AFF3: variants seen among roughly 807,000 people sequenced by gnomAD.
AFF3 encodes ALF transcription elongation factor 3.
Under a neutral mutation model 129.7 loss-of-function variants are expected in AFF3, and 32 were observed. That is an observed-to-expected ratio of 0.25 (90% CI 0.19 to 0.33). AFF3 has a LOEUF of 0.33. Ranked by LOEUF, AFF3 falls within the 10% of genes least tolerant of loss-of-function variation. The probability of loss-of-function intolerance (pLI) is 1.00; values close to 1 mark genes in which losing one functional copy is unlikely to be tolerated. For missense variants in AFF3, 1,373 were observed against 1,592.0 expected, an observed-to-expected ratio of 0.86 and a Z score of 2.34; for synonymous variants, 644 against 635.4, an observed-to-expected ratio of 1.01 and a Z score of -0.20.
intron 4 of AFF3, among the ~76,000 whole-genome samples, chr2:100,042,057 C>A (rs1449035892): frequency 1.3e-5 from 2 of 152,172 alleles, no homozygotes; most frequent in African/African-American, 2.4e-5. Context: ...CCCACACCAT[C>A]CCAACCTCTC....
At chr2:99,702,223 C>G (rs1311656217) in intron 11 of AFF3, among the ~76,000 whole-genome samples, 1 of 152,214 alleles carries the variant, frequency 6.6e-6, no homozygotes, top group Admixed American at 6.5e-5. Flanking sequence ...TACATTTTCA[C>G]CAGCAATATG....
intron 7 of AFF3, among the ~76,000 whole-genome samples, chr2:99,937,595 T>C (rs1384632879): frequency 5.3e-5 from 8 of 152,062 alleles, no homozygotes; most frequent in Admixed American, 4.6e-4. Flanking sequence ...GACGGGGTTT[T>C]ACCATATTGA....
intron 1 of AFF3, among the ~76,000 whole-genome samples, chr2:100,141,998 G>C (rs936333435): frequency 2.6e-5 from 4 of 152,082 alleles, no homozygotes; most frequent in Non-Finnish European, 5.9e-5. Context: ...GCCTTAGGTG[G>C]AACTGCCCAT....
chr2:100,016,336 GTAGTGA>G (rs1427291344), intron 4 of AFF3, among the ~76,000 whole-genome samples: 4 of 148,672 alleles, frequency 2.7e-5, no homozygotes, highest in South Asian at 2.1e-4. Context: ...CATGTTAGTG[GTAGTGA>G]TAGTGATGGT....
rs1045522924 is a variant in AFF3, at chr2:99,582,804, G to A, written c.2787C>T (p.Asp929=). ...AGGAAGAGCATCAACAAACCGTGAG[G>A]TCTCCGCCGTGAGGCTGCAGCTGGC... ...ADSQLQPHGG[D]LTKAAHNNSE... The change falls in exon 17 of 25, where the codon GAC becomes GAT. Residue 929 remains aspartate (D), a synonymous_variant. Transcript: ENST00000672756. 1 of 1,614,080 alleles carries A rather than the reference G, an allele frequency of 6.2e-7. No homozygotes were observed. Among genetic ancestry groups the A allele is most frequent in the African/African-American group, 1.3e-5 (1 of 75,042 alleles).
intron 7 of AFF3, among the ~76,000 whole-genome samples, chr2:99,892,024 G>T (rs527474114): frequency 3.3e-5 from 5 of 152,098 alleles, no homozygotes; most frequent in African/African-American, 9.6e-5. Flanking sequence ...GGGTTTCACC[G>T]TATTAGCCAG....
In AFF3 at chr2:100,104,463, G is replaced by A. The variant is rs1449718416; in HGVS notation, c.-9C>T. 23 of 1,311,366 alleles carry A rather than the reference G, an allele frequency of 1.8e-5. No individual in the cohort carries two copies. Among genetic ancestry groups the A allele is most frequent in the Non-Finnish European group, 2.2e-5 (22 of 1,006,158 alleles). 81.2% of individuals were successfully genotyped at this position (1,311,366 alleles called of 1,614,324 possible). A position where few individuals can be genotyped will look rare whatever the true frequency, so the allele number is the denominator to read the frequency against. The stretch of plus-strand genomic sequence containing the variant: ...AAGTCGAAGCTGTCCATGGTGGGAG[G>A]TGTCAGCGTCGCCGCCGCCGCTACC... On this transcript the variant is annotated 5_prime_UTR_variant, in exon 4 of 25. Transcript: ENST00000672756.
At chr2:99,807,210 A>G (rs1203544097) in intron 8 of AFF3, among the ~76,000 whole-genome samples, 2 of 152,196 alleles carry the variant, frequency 1.3e-5, no homozygotes, top group African/African-American at 4.8e-5. Flanking sequence ...GTCACCTCAT[A>G]AATGAGGAAA....
At chr2:99,719,915 T>C (rs1468468427) in intron 11 of AFF3, among the ~76,000 whole-genome samples, 1 of 152,180 alleles carries the variant, frequency 6.6e-6, no homozygotes, top group Non-Finnish European at 1.5e-5. Flanking sequence ...CGGGCGCCTG[T>C]AGTCCCAGCT....
chr2:99,802,412 G>A (rs1686009962), intron 8 of AFF3, among the ~76,000 whole-genome samples: 1 of 152,192 alleles, frequency 6.6e-6, no homozygotes, highest in Non-Finnish European at 1.5e-5. Flanking sequence ...TGTAATCCCA[G>A]CACTTTGGGA....
intron 1 of AFF3, among the ~76,000 whole-genome samples, chr2:100,138,743 G>A (rs1333078633): frequency 1.3e-5 from 2 of 151,920 alleles, no homozygotes; most frequent in African/African-American, 2.4e-5. Context: ...TCAGGAGTTC[G>A]AGACAAGCCT....
intron 4 of AFF3, among the ~76,000 whole-genome samples, chr2:100,012,724 G>A (rs112799614): frequency 1.2e-4 from 19 of 152,256 alleles, no homozygotes; most frequent in South Asian, 1.0e-3. Flanking sequence ...GAAAGCTTTC[G>A]CCTGACAAGC....
intron 8 of AFF3, among the ~76,000 whole-genome samples, chr2:99,833,590 A>G (rs1326301782): frequency 6.6e-6 from 1 of 152,130 alleles, no homozygotes; most frequent in Admixed American, 6.5e-5. Context: ...GTCTTCAACA[A>G]ATGCCATGTA....
chr2:100,138,876 C>T (rs761988902), intron 1 of AFF3, among the ~76,000 whole-genome samples: 2 of 142,618 alleles, frequency 1.4e-5, no homozygotes, highest in African/African-American at 2.6e-5. Flanking sequence ...ACCCAGGAGG[C>T]GGAGGCTGCA....
At chr2:99,644,838 C>T (rs1413053742) in intron 13 of AFF3, among the ~76,000 whole-genome samples, 5 of 152,218 alleles carry the variant, frequency 3.3e-5, no homozygotes, top group African/African-American at 1.2e-4. Context: ...GATGTGGCTT[C>T]TTTCGCAGTG....
chr2:99,711,275 G>A (rs1177815820), intron 11 of AFF3, among the ~76,000 whole-genome samples: 2 of 152,076 alleles, frequency 1.3e-5, no homozygotes, highest in East Asian at 3.9e-4. Flanking sequence ...TTGGCTCTGC[G>A]GCTCATGACT....
At chr2:99,845,348 A>C (rs1004398715) in intron 7 of AFF3, among the ~76,000 whole-genome samples, 28 of 152,232 alleles carry the variant, frequency 1.8e-4, no homozygotes, top group African/African-American at 6.5e-4. Flanking sequence ...TCTGAATCAG[A>C]GCCTATAGTT....
intron 8 of AFF3, among the ~76,000 whole-genome samples, chr2:99,802,109 T>G (rs1685984973): frequency 6.6e-6 from 1 of 152,224 alleles, no homozygotes. Context: ...GAATAATGCA[T>G]GTATGGGAGA....
At chr2:99,583,064 A>C in intron 16 of AFF3, 65 bp from the exon 17 acceptor site, 2 of 1,515,716 alleles carry the variant, frequency 1.3e-6, no homozygotes, top group South Asian at 1.1e-5. Flanking sequence ...AAATGTTTTC[A>C]TATGACCCAA....
Sources: gnomAD v4.1 joint callset for allele counts (sites outside exome capture counted in the v4.1 genomes callset) on GRCh38, gnomAD v4.1.1 for gene constraint, MANE v1.5 for transcripts, NCBI Gene and HGNC (gene_info 2026-07-23, HGNC 2026-07-21) for gene names.